NLK: variants seen among roughly 807,000 people sequenced by gnomAD.
The protein encoded by NLK is serine/threonine-protein kinase NLK.
In NLK, 11 loss-of-function variants were observed where a neutral mutation model predicts 59.0. The ratio of observed to expected loss-of-function variants is 0.19; its 90% CI spans 0.12 to 0.31. The LOEUF (loss-of-function observed/expected upper bound fraction) is 0.31. NLK is among the 10% of genes least tolerant of loss of function. The pLI is 1.00. For missense variants in NLK, 410 were observed against 661.1 expected, an observed-to-expected ratio of 0.62 and a Z score of 4.16; for synonymous variants, 235 against 235.9, an observed-to-expected ratio of 1.00 and a Z score of 0.03.
intron 1 of NLK, among the ~76,000 whole-genome samples, chr17:28,052,687 C>G (rs772905844): frequency 9.9e-5 from 15 of 152,138 alleles, no homozygotes; most frequent in Non-Finnish European, 1.6e-4. Flanking sequence ...TATTTTAACT[C>G]TATATCCAAA....
chr17:28,076,815 C>G (rs1353052679), intron 1 of NLK, among the ~76,000 whole-genome samples: 1 of 152,020 alleles, frequency 6.6e-6, no homozygotes, highest in African/African-American at 2.4e-5. Context: ...AACATCTGTC[C>G]TAATCTAACC....
chr17:28,164,433 G>A (rs1446655915), intron 5 of NLK, among the ~76,000 whole-genome samples: 1 of 151,262 alleles, frequency 6.6e-6, no homozygotes, highest in African/African-American at 2.4e-5. Context: ...TCTATCCAAT[G>A]TATTTCCATA....
At chr17:28,124,426 G>C (rs922457137) in intron 2 of NLK, among the ~76,000 whole-genome samples, 1 of 151,976 alleles carries the variant, frequency 6.6e-6, no homozygotes, top group Admixed American at 6.6e-5. Flanking sequence ...TATTTGGGAG[G>C]CTGAGGTGGG....
chr17:28,189,082 G>T (rs751949310), intron 8 of NLK, among the ~76,000 whole-genome samples: 1 of 151,812 alleles, frequency 6.6e-6, no homozygotes, highest in Non-Finnish European at 1.5e-5. Flanking sequence ...TCAGTGACAG[G>T]TCACCATCAA....
chr17:28,066,690 G>GT (rs1462611108), intron 1 of NLK, among the ~76,000 whole-genome samples: 1 of 152,206 alleles, frequency 6.6e-6, no homozygotes, highest in Non-Finnish European at 1.5e-5. Flanking sequence ...CTACCAAACT[G>GT]TTTTCCAAAG....
intron 6 of NLK, among the ~76,000 whole-genome samples, chr17:28,169,262 G>A (rs1908366495): frequency 6.6e-6 from 1 of 152,224 alleles, no homozygotes; most frequent in South Asian, 2.1e-4. Flanking sequence ...ATCTTCAGTT[G>A]TTAGAAGGCC....
At chr17:28,101,158 G>C (rs1480850872) in intron 1 of NLK, among the ~76,000 whole-genome samples, 5 of 152,144 alleles carry the variant, frequency 3.3e-5, no homozygotes, top group Non-Finnish European at 5.9e-5. Context: ...CATTATGCCA[G>C]TACCACCACA....
At chr17:28,084,941 C>G (rs955468628) in intron 1 of NLK, among the ~76,000 whole-genome samples, 7 of 152,202 alleles carry the variant, frequency 4.6e-5, no homozygotes, top group African/African-American at 1.4e-4. Flanking sequence ...ATCAGTACAT[C>G]AAGGTTCAGT....
chr17:28,085,353 T>G (rs1910476989), intron 1 of NLK, among the ~76,000 whole-genome samples: 2 of 152,132 alleles, frequency 1.3e-5, no homozygotes, highest in African/African-American at 4.8e-5. Context: ...AATTTAAACT[T>G]AAACAAGCGA....
intron 3 of NLK, among the ~76,000 whole-genome samples, chr17:28,139,572 T>C (rs1187698799): frequency 1.3e-5 from 2 of 152,220 alleles, no homozygotes; most frequent in Non-Finnish European, 2.9e-5. Context: ...AGCACTACTA[T>C]GTATATGACA....
chr17:28,203,411 A>ATTG, the NLK span, among the ~76,000 whole-genome samples: 1 of 152,242 alleles, frequency 6.6e-6, no homozygotes, highest in Admixed American at 6.5e-5. Context: ...CTCTCATGGA[A>ATTG]TTGTCTAGGG....
At chr17:28,079,387 G>T (rs1344592871) in intron 1 of NLK, among the ~76,000 whole-genome samples, 1 of 152,048 alleles carries the variant, frequency 6.6e-6, no homozygotes, top group Non-Finnish European at 1.5e-5. Context: ...CAATAAGTAG[G>T]GTTGCTGAAT....
chr17:28,200,110 G>GT (rs1238528565), downstream of NLK, among the ~76,000 whole-genome samples: 3 of 152,138 alleles, frequency 2.0e-5, no homozygotes, highest in Non-Finnish European at 2.9e-5. Context: ...TCTGTAGCTG[G>GT]TTTTTTCATT....
At chr17:28,060,186 G>A (rs1909583791) in intron 1 of NLK, among the ~76,000 whole-genome samples, 1 of 151,986 alleles carries the variant, frequency 6.6e-6, no homozygotes. Context: ...AGTCCAAGTG[G>A]ATTAAAGATT....
intron 1 of NLK, among the ~76,000 whole-genome samples, chr17:28,056,419 T>C (rs187065042): frequency 6.6e-6 from 1 of 152,356 alleles, no homozygotes; most frequent in East Asian, 1.9e-4. Context: ...GAGTTTTTGC[T>C]GTTTTGCTGC....
chr17:28,116,686 G>A (rs938568427), intron 1 of NLK, among the ~76,000 whole-genome samples: 9 of 152,152 alleles, frequency 5.9e-5, no homozygotes, highest in African/African-American at 2.2e-4. Context: ...GAATAAAACT[G>A]TCTTTTTCTT....
At position 28,067,011 on chromosome 17, in the gene NLK, G is replaced by A. The variant is rs115574155; in HGVS notation, c.458+23680G>A. Among the ~76,000 whole-genome samples, 503 of 152,094 alleles carry A rather than the reference G, an allele frequency of 3.3e-3. 2 individuals are homozygous for A. The highest frequency in any genetic ancestry group is 0.011 in the African/African-American group (459 of 41,498). ...CGGATATAAATCCTCTTTCAGATACGTGATTTGCAAATATTTTCTCCCAGT... is the reference window on the plus strand; with the variant it reads ...CGGATATAAATCCTCTTTCAGATACATGATTTGCAAATATTTTCTCCCAGT... On this transcript the variant is annotated intron_variant, in intron 1 of 10. Transcript: ENST00000407008.
chr17:28,044,636 A>G (rs892563421), intron 1 of NLK, among the ~76,000 whole-genome samples: 12 of 152,190 alleles, frequency 7.9e-5, no homozygotes, highest in African/African-American at 2.9e-4. Flanking sequence ...CATTCTGCTC[A>G]GGGACCTGCC....
chr17:28,068,920 C>T (rs947245948), intron 1 of NLK, among the ~76,000 whole-genome samples: 6 of 152,160 alleles, frequency 3.9e-5, no homozygotes, highest in African/African-American at 1.4e-4. Context: ...CTCAAGCGAT[C>T]CTCACGCCTC....
Sources: gnomAD v4.1 joint callset for allele counts (sites outside exome capture counted in the v4.1 genomes callset) on GRCh38, gnomAD v4.1.1 for gene constraint, MANE v1.5 for transcripts, NCBI Gene and HGNC (gene_info 2026-07-23, HGNC 2026-07-21) for gene names.